The following TNRC18 variants were observed in gnomAD, a reference collection of about 807,000 sequenced individuals.
TNRC18 encodes trinucleotide repeat containing 18.
A neutral mutation model predicts 226.7 loss-of-function variants in TNRC18; 69 were observed. The ratio of observed to expected loss-of-function variants is 0.30; its 90% CI spans 0.25 to 0.37. The LOEUF is 0.37. Ranked by LOEUF, TNRC18 falls within the 10% of genes least tolerant of loss-of-function variation. TNRC18 has a pLI of 1.00. For synonymous variants in TNRC18, 2,449 were observed against 1,927.6 expected, an observed-to-expected ratio of 1.27 and a Z score of -7.09; for missense variants, 4,754 against 4,256.6, an observed-to-expected ratio of 1.12 and a Z score of -3.25.
Position 5,361,977 on chromosome 7 carries a change from C to A in TNRC18, c.4452G>T (p.Arg1484=). The A allele has an allele frequency of 6.2e-7, 1 of 1,613,466 alleles. No individual in the cohort carries two copies. Among genetic ancestry groups the A allele is most frequent in the Non-Finnish European group, 8.5e-7 (1 of 1,179,758 alleles). ...EDMDALELDF[R]MRLAEVQRQY... is the part of the protein sequence containing the mutation. ...GGCGCTGCACCTCGGCCAGCCGCAT[C>A]CGGAAGTCCAGCTCCAGGGCGTCCA... The change falls in exon 13 of 30, where the codon CGG becomes CGT. Residue 1484 remains arginine (R), a synonymous_variant. Coordinates refer to ENST00000430969, the MANE Select transcript of TNRC18 (RefSeq NM_001080495.3).
chr7:5,363,169 G>A (rs1793247237), intron 11 of TNRC18, among the ~76,000 whole-genome samples: 1 of 152,144 alleles, frequency 6.6e-6, no homozygotes, highest in African/African-American at 2.4e-5. Context: ...CGGGTGTAGT[G>A]GCACACGCCT....
At chr7:5,357,706 C>T (rs1792593741) in intron 15 of TNRC18, among the ~76,000 whole-genome samples, 1 of 152,102 alleles carries the variant, frequency 6.6e-6, no homozygotes, top group Admixed American at 6.6e-5. Context: ...CCAGGCTGGT[C>T]TCAAACTTTT....
intron 19 of TNRC18, among the ~76,000 whole-genome samples, chr7:5,327,979 C>T (rs1437492579): frequency 1.3e-5 from 2 of 151,966 alleles, no homozygotes; most frequent in African/African-American, 2.4e-5. Context: ...CCCAGCACTT[C>T]GGGAAGCCAA....
intron 2 of TNRC18, among the ~76,000 whole-genome samples, chr7:5,405,434 T>G (rs892580579): frequency 6.6e-6 from 1 of 151,866 alleles, no homozygotes; most frequent in African/African-American, 2.4e-5. Flanking sequence ...CCAAGTGTGG[T>G]GGTGCGCACC....
intron 10 of TNRC18, 110 bp from the exon 11 acceptor site, chr7:5,371,474 G>A: frequency 1.5e-6 from 2 of 1,325,378 alleles, no homozygotes; most frequent in Non-Finnish European, 2.0e-6. Context: ...GCCGCCCCCT[G>A]CTCACCCAGC....
Position 5,371,203 on chromosome 7 carries a change from T to G in TNRC18, c.3391A>C (p.Lys1131Gln). Reference protein sequence around the residue: ...PERLALSPEDKPIRLSPSKIT... With the variant: ...PERLALSPEDQPIRLSPSKIT... The stretch of plus-strand genomic sequence containing the variant: ...TTGGAGGGGGACAAGCGGATGGGCT[T>G]GTCTTCGGGTGAGAGTGCCAGGCGC... The change falls in exon 11 of 30, where the codon AAG becomes CAG. Residue 1131 changes from lysine to glutamine, a missense_variant. By Grantham distance (53) the Lys-to-Gln change is moderately conservative. Coordinates refer to ENST00000430969, the MANE Select transcript of TNRC18 (RefSeq NM_001080495.3). The G allele has an allele frequency of 1.2e-6, 2 of 1,605,000 alleles. No individual in the cohort carries two copies. Among genetic ancestry groups the G allele is most frequent in the Non-Finnish European group, 1.7e-6 (2 of 1,173,730 alleles).
At chr7:5,384,878 TTCAG>T (rs1779648286) in intron 5 of TNRC18, among the ~76,000 whole-genome samples, 2 of 152,230 alleles carry the variant, frequency 1.3e-5, no homozygotes, top group South Asian at 2.1e-4. Flanking sequence ...AGTGTGTTCA[TTCAG>T]TCAGTCAACA....
At chr7:5,344,658 C>T (rs563303928) in intron 18 of TNRC18, among the ~76,000 whole-genome samples, 2 of 152,178 alleles carry the variant, frequency 1.3e-5, no homozygotes, top group Admixed American at 6.5e-5. Context: ...AGCCTCATAC[C>T]TACCCCTACT....
intron 17 of TNRC18, among the ~76,000 whole-genome samples, chr7:5,347,810 C>A (rs1791358340): frequency 6.6e-6 from 1 of 151,902 alleles, no homozygotes; most frequent in Non-Finnish European, 1.5e-5. Context: ...CAAAAATTAA[C>A]CGGGTGCAGT....
intron 21 of TNRC18, among the ~76,000 whole-genome samples, chr7:5,323,644 C>G (rs973174412): frequency 6.8e-6 from 1 of 147,364 alleles, no homozygotes; most frequent in African/African-American, 2.5e-5. Flanking sequence ...CTTGGCTCAC[C>G]GCAACCTCCG....
intron 24 of TNRC18, among the ~76,000 whole-genome samples, 188 bp from the exon 25 acceptor site, chr7:5,316,260 C>T (rs914367098): frequency 7.3e-6 from 1 of 137,422 alleles, no homozygotes; most frequent in Non-Finnish European, 1.5e-5. Context: ...CCGGGCAGGG[C>T]AGGAGAAATG....
intron 17 of TNRC18, among the ~76,000 whole-genome samples, chr7:5,351,611 G>C (rs1399686854): frequency 2.0e-5 from 3 of 152,200 alleles, no homozygotes; most frequent in Admixed American, 2.0e-4. Context: ...CAATGATACA[G>C]TACAAATCAA....
chr7:5,317,265 G>C (rs979633036), intron 24 of TNRC18, among the ~76,000 whole-genome samples: 1 of 151,998 alleles, frequency 6.6e-6, no homozygotes, highest in Non-Finnish European at 1.5e-5. Flanking sequence ...GCAGAAGGAG[G>C]GGGGACCGGG....
intron 22 of TNRC18, 138 bp from the exon 23 acceptor site, chr7:5,320,745 G>C (rs190790304): frequency 2.7e-6 from 2 of 735,146 alleles, no homozygotes; most frequent in Admixed American, 2.7e-5. Flanking sequence ...TGCTGAATTT[G>C]GGAATTCTCC....
chr7:5,331,183 T>C (rs1789485112), intron 19 of TNRC18, among the ~76,000 whole-genome samples: 1 of 152,182 alleles, frequency 6.6e-6, no homozygotes, highest in Non-Finnish European at 1.5e-5. Context: ...AATGTCACCC[T>C]TATTTGAGGG....
chr7:5,420,679 C>T (rs1344039939), intron 2 of TNRC18: 2 of 493,456 alleles, frequency 4.1e-6, no homozygotes, highest in African/African-American at 3.9e-5. Flanking sequence ...GAAAAAGATT[C>T]GAGCTCGGGG....
At chr7:5,347,188 A>T (rs1287306321) in intron 17 of TNRC18, among the ~76,000 whole-genome samples, 4 of 143,838 alleles carry the variant, frequency 2.8e-5, no homozygotes, top group South Asian at 2.2e-4. Context: ...CAAAAAAAAA[A>T]ATTTTTTTTT....
chr7:5,408,362 C>A (rs1008517017), intron 2 of TNRC18, among the ~76,000 whole-genome samples: 3 of 151,656 alleles, frequency 2.0e-5, no homozygotes, highest in African/African-American at 7.3e-5. Flanking sequence ...AGGAAACATC[C>A]CCCTGGCCAG....
chr7:5,421,300 G>A lies in TNRC18; in HGVS notation c.-54C>T, dbSNP rs868689541. ...CCACCCGGCCCGCAGGCCTAGCTCAGTGGGACCTAAAAGTTCGGCCTCGGC... is the reference window on the plus strand; with the variant it reads ...CCACCCGGCCCGCAGGCCTAGCTCAATGGGACCTAAAAGTTCGGCCTCGGC... On this transcript the variant is annotated 5_prime_UTR_variant, in exon 2 of 30. Coordinates refer to ENST00000430969, the MANE Select transcript of TNRC18 (RefSeq NM_001080495.3). 3.6e-5 allele frequency: 44 copies of A among 1,238,656 alleles called. No homozygotes were observed. Among genetic ancestry groups the A allele is most frequent in the Non-Finnish European group, 4.1e-5 (41 of 988,008 alleles). 76.7% of individuals were successfully genotyped at this position (1,238,656 alleles called of 1,614,324 possible).
Sources: allele counts gnomAD v4.1 joint callset (sites outside exome capture counted in the v4.1 genomes callset), GRCh38; gene constraint gnomAD v4.1.1; transcripts MANE v1.5; gene names NCBI Gene and HGNC (gene_info 2026-07-23, HGNC 2026-07-21).